Variants in ARMC8 observed in about 807,000 individuals in gnomAD.
ARMC8 encodes the protein armadillo repeat-containing protein 8.
A neutral mutation model predicts 99.3 loss-of-function variants in ARMC8; 20 were observed. The ratio of observed to expected loss-of-function variants is 0.20; its 90% CI spans 0.14 to 0.29. ARMC8 has a LOEUF of 0.29. ARMC8 is among the 10% of genes least tolerant of loss of function. The pLI is 1.00. For missense variants in ARMC8, 569 were observed against 809.5 expected, an observed-to-expected ratio of 0.70 and a Z score of 3.60; for synonymous variants, 263 against 278.3, an observed-to-expected ratio of 0.95 and a Z score of 0.55.
In ARMC8 at chr3:138,223,521, C is replaced by G. The variant is rs774492776; in HGVS notation, c.327C>G (p.Ala109=). ...TACTGGACTGCCATATTATCCCTGC[C>G]TTATTGCAAGGTATGTAGGGAAGCC... The part of the protein sequence containing the change: ...KSLLDCHIIP[A]LLQGLLSPDL... Residue 109 remains alanine (A), a synonymous_variant, in exon 4 of 22, where the codon GCC becomes GCG. Coordinates refer to ENST00000469044, the MANE Select transcript of ARMC8 (RefSeq NM_001363941.2). 1.9e-6 allele frequency: 3 copies of G among 1,614,164 alleles called. No individual in the cohort carries two copies. The highest frequency in any genetic ancestry group is 2.2e-5 in the South Asian group (2 of 91,082).
intron 12 of ARMC8, among the ~76,000 whole-genome samples, chr3:138,251,350 G>A (rs931401782): frequency 1.3e-5 from 2 of 152,096 alleles, no homozygotes; most frequent in South Asian, 2.1e-4. Context: ...TTTGTCTACC[G>A]TGAAATCAGG....
At chr3:138,222,541 TCTTTA>T (rs1283752901) in intron 3 of ARMC8, among the ~76,000 whole-genome samples, 4 of 152,230 alleles carry the variant, frequency 2.6e-5, no homozygotes, top group African/African-American at 7.2e-5. Flanking sequence ...CATAACTTCC[TCTTTA>T]CTTTTGCTCC....
intron 15 of ARMC8, among the ~76,000 whole-genome samples, chr3:138,269,755 T>A (rs1255346919): frequency 1.3e-5 from 2 of 151,804 alleles, no homozygotes; most frequent in African/African-American, 4.8e-5. Flanking sequence ...CTAGAATGTC[T>A]CCTGAATCCT....
chr3:138,197,763 C>G (rs1029798640), intron 1 of ARMC8, among the ~76,000 whole-genome samples: 7 of 152,212 alleles, frequency 4.6e-5, no homozygotes, highest in African/African-American at 1.4e-4. Flanking sequence ...CTCATTTGCT[C>G]TATCCAGAGG....
chr3:138,223,660 T>C lies in ARMC8; in HGVS notation c.362T>C (p.Phe121Ser). Reference sequence around the variant, plus strand: ...GGACTACTGTCCCCAGACCTGAAGTTTATTGAAGCTTGCCTCCGATGCCTG... The same window carrying C: ...GGACTACTGTCCCCAGACCTGAAGTCTATTGAAGCTTGCCTCCGATGCCTG... ...LQGLLSPDLK[F>S]IEACLRCLRT... Residue 121 changes from phenylalanine (F) to serine (S), a missense_variant, in exon 5 of 22, where the codon TTT becomes TCT. This residue lies in a region of ARMC8 where 342 missense variants were observed against 391.6 expected (regional missense o/e 0.87). Coordinates refer to ENST00000469044, the MANE Select transcript of ARMC8 (RefSeq NM_001363941.2). 6.2e-7 allele frequency: 1 copy of C among 1,614,198 alleles called. No homozygotes were observed. Among genetic ancestry groups the C allele is most frequent in the Non-Finnish European group, 8.5e-7 (1 of 1,180,028 alleles).
At chr3:138,274,323 G>T in intron 17 of ARMC8, 126 bp from the exon 18 acceptor site, 2 of 628,026 alleles carry the variant, frequency 3.2e-6, no homozygotes, top group Non-Finnish European at 2.8e-6. Flanking sequence ...TTGGCATCTA[G>T]TTCTATATGC....
At chr3:138,292,335 G>A (rs186600100) in intron 21 of ARMC8, among the ~76,000 whole-genome samples, 10 of 152,258 alleles carry the variant, frequency 6.6e-5, no homozygotes, top group East Asian at 1.9e-4. Flanking sequence ...CCACCACGCC[G>A]GGCCCTGATT....
At chr3:138,255,061 A>G (rs904669349) in intron 12 of ARMC8, among the ~76,000 whole-genome samples, 12 of 152,102 alleles carry the variant, frequency 7.9e-5, no homozygotes, top group African/African-American at 2.9e-4. Context: ...TTAATTCAGT[A>G]CCTTCAAGAG....
intron 15 of ARMC8, among the ~76,000 whole-genome samples, chr3:138,269,048 G>C (rs2048540216): frequency 6.6e-6 from 1 of 152,174 alleles, no homozygotes; most frequent in Non-Finnish European, 1.5e-5. Context: ...GTTCAGAAAA[G>C]ATAGATAATG....
chr3:138,245,425 G>C, intron 12 of ARMC8: 1 of 1,380,774 alleles, frequency 7.2e-7, no homozygotes, highest in Non-Finnish European at 9.3e-7. Flanking sequence ...TTTTTTTTGT[G>C]TCATTAATAT....
intron 12 of ARMC8, among the ~76,000 whole-genome samples, chr3:138,250,709 GTCATCATTCATAC>G (rs1397285583): frequency 1.3e-5 from 2 of 152,138 alleles, no homozygotes; most frequent in African/African-American, 2.4e-5. Context: ...TTTCTTCAGA[GTCATCATTCATAC>G]AAAACCATAT....
intron 18 of ARMC8, among the ~76,000 whole-genome samples, chr3:138,279,323 TA>T (rs2108334862): frequency 6.6e-6 from 1 of 152,348 alleles, no homozygotes; most frequent in African/African-American, 2.4e-5. Flanking sequence ...ATTGTTTTTT[TA>T]AAACTCTGAT....
intron 12 of ARMC8, among the ~76,000 whole-genome samples, chr3:138,255,854 C>T (rs907618197): frequency 6.6e-6 from 1 of 152,244 alleles, no homozygotes; most frequent in East Asian, 1.9e-4. Context: ...GTGGCATGCA[C>T]CTATAATCTC....
chr3:138,193,363 A>C (rs2043505075), intron 1 of ARMC8, among the ~76,000 whole-genome samples: 1 of 151,742 alleles, frequency 6.6e-6, no homozygotes, highest in Non-Finnish European at 1.5e-5. Flanking sequence ...CAGGCTCAAG[A>C]GATTCTCGGG....
chr3:138,228,480 T>A (rs1417704823), intron 5 of ARMC8, among the ~76,000 whole-genome samples: 1 of 152,242 alleles, frequency 6.6e-6, no homozygotes, highest in Non-Finnish European at 1.5e-5. Context: ...TATGAGAGAT[T>A]GTTAGTATTT....
chr3:138,270,364 A>T (rs1576899463), intron 16 of ARMC8, among the ~76,000 whole-genome samples: 2 of 152,340 alleles, frequency 1.3e-5, no homozygotes, highest in East Asian at 3.9e-4. Context: ...AAAAGTGAAC[A>T]GATGTTGAAA....
At chr3:138,229,071 A>G in intron 6 of ARMC8, 61 bp downstream of exon 6, 1 of 1,241,598 alleles carries the variant, frequency 8.1e-7, no homozygotes, top group Non-Finnish European at 1.1e-6. Flanking sequence ...TAAGAGATGT[A>G]CCTTCTTTGT....
At chr3:138,223,567 A>G in intron 4 of ARMC8, 36 bp downstream of exon 4, 1 of 1,614,052 alleles carries the variant, frequency 6.2e-7, no homozygotes, top group Non-Finnish European at 8.5e-7. Context: ...AATTAAGGTT[A>G]AGAATCAGTT....
At chr3:138,209,376 G>A (rs2044568343) in intron 1 of ARMC8, among the ~76,000 whole-genome samples, 1 of 152,036 alleles carries the variant, frequency 6.6e-6, no homozygotes, top group Non-Finnish European at 1.5e-5. Flanking sequence ...GTTTATCTTT[G>A]TCATGAGCTT....
Sources: gnomAD v4.1 joint callset for allele counts (sites outside exome capture counted in the v4.1 genomes callset) on GRCh38, gnomAD v4.1.1 for gene constraint, gnomAD v4.1.1 regional missense constraint, MANE v1.5 for transcripts, NCBI Gene and HGNC (gene_info 2026-07-23, HGNC 2026-07-21) for gene names.